Variants in DDX27 observed in about 807,000 individuals in gnomAD.
The protein encoded by DDX27 is probable ATP-dependent RNA helicase DDX27.
DDX27 carries 42 observed loss-of-function variants against 99.3 expected under a neutral mutation model. That is an observed-to-expected ratio of 0.42 (90% CI 0.33 to 0.55). The LOEUF (loss-of-function observed/expected upper bound fraction) is 0.55, where lower values mean the gene tolerates loss of function less well. DDX27 is among the 20% of genes least tolerant of loss of function. DDX27 has a pLI of 0.07. For synonymous variants in DDX27, 329 were observed against 353.8 expected, an observed-to-expected ratio of 0.93 and a Z score of 0.79; for missense variants, 798 against 976.8, an observed-to-expected ratio of 0.82 and a Z score of 2.44.
intron 1 of DDX27, 140 bp downstream of exon 1, chr20:49,219,681 T>TCTTCCTCA: frequency 1.1e-6 from 1 of 875,914 alleles, no homozygotes; most frequent in Non-Finnish European, 1.7e-6. Context: ...GACCCCAAGA[T>TCTTCCTCA]CTTCCTCAGT....
intron 6 of DDX27, among the ~76,000 whole-genome samples, chr20:49,225,425 C>G (rs1200320897): frequency 1.4e-5 from 2 of 147,772 alleles, no homozygotes; most frequent in Admixed American, 6.8e-5. Flanking sequence ...TCCCTCAACT[C>G]TTGTCCATAC....
rs759375460 is a variant in DDX27 at position 49,236,146 on chromosome 20, C to T, written c.1428-4C>T. 2 of 1,608,268 alleles carry T rather than the reference C, an allele frequency of 1.2e-6. No homozygotes were observed. The highest frequency in any genetic ancestry group is 1.7e-6 in the Non-Finnish European group (2 of 1,177,390). ...GATGAACAGCTGTTTGTGACTGTTT[C>T]TAGGCGTTTTAAGGATGAACAGATT... On this transcript the variant is annotated splice_polypyrimidine_tract_variant and splice_region_variant and intron_variant, in intron 12 of 20. Coordinates refer to ENST00000618172, the MANE Select transcript of DDX27 (RefSeq NM_017895.8). This position sits in a 1 kb window ranked among gnomAD's most constrained non-coding sequence, Gnocchi z 4.1.
At position 49,228,857 on chromosome 20, in the gene DDX27, G is replaced by C; in HGVS notation, c.849G>C (p.Gln283His). The C allele has an allele frequency of 6.2e-7, 1 of 1,604,960 alleles. No individual in the cohort carries two copies. Among genetic ancestry groups the C allele is most frequent in the South Asian group, 1.1e-5 (1 of 90,660 alleles). The change falls in exon 8 of 21, where the codon CAG (glutamine) becomes CAC (histidine). Residue 283 changes from glutamine (Q) to histidine (H), a missense_variant. This residue lies in a region of DDX27 where 553 missense variants were observed against 727.9 expected (regional missense o/e 0.76). Coordinates refer to ENST00000618172, the MANE Select transcript of DDX27 (RefSeq NM_017895.8). Reference protein sequence around the residue: ...QVHSVTRQLAQFCNITTCLAV... With the variant: ...QVHSVTRQLAHFCNITTCLAV... ...ACTCTGTCACCAGACAGCTGGCCCA[G>C]TTCTGCAACATCACCACCTGCCTGG...
rs764167303 is a variant in DDX27, at chr20:49,219,460, C to T, written c.12C>T (p.Asp4=). Residue 4 remains aspartate, a synonymous_variant, in exon 1 of 21, where the codon GAC becomes GAT. Coordinates refer to ENST00000618172, the MANE Select transcript of DDX27 (RefSeq NM_017895.8). ...GCTTCTGCGACAACATGCTTGCGGA[C>T]CTCGGCTTAATCGGAACCATAGGCG... MLA[D]LGLIGTIGED... The T allele has an allele frequency of 2.5e-6, 4 of 1,614,110 alleles. No individual in the cohort carries two copies. Among genetic ancestry groups the T allele is most frequent in the Non-Finnish European group, 3.4e-6 (4 of 1,180,002 alleles).
rs370439178 is a variant in DDX27, at chr20:49,236,297, C to G, written c.1510-36C>G. ...TTTTTGCCTCTTCGCACCCCCCTTC[C>G]CTTGCCAGGCCTGACGTTCATTTTT... On this transcript the variant is annotated intron_variant, in intron 13 of 20. Transcript: ENST00000618172. The surrounding 1 kb of genome is among the most constrained non-coding windows in gnomAD (Gnocchi z 4.1). The G allele has an allele frequency of 1.4e-4, 221 of 1,567,824 alleles. No homozygotes were observed. Among genetic ancestry groups the G allele is most frequent in the Non-Finnish European group, 1.8e-4 (209 of 1,153,722 alleles).
At position 49,227,573 on chromosome 20, in the gene DDX27, G is replaced by T. The variant is rs1459308965; in HGVS notation, c.706+1038G>T. ...GTAGAGAGAGGGTTTCACCATGTTG[G>T]CCAGGCTGGTCTCGAATTCCTGACC... is the stretch of plus-strand genomic sequence containing the variant. On this transcript the variant is annotated intron_variant, in intron 7 of 20. Transcript: ENST00000618172. Among the ~76,000 whole-genome samples, 4 of 151,954 alleles carry T rather than the reference G, an allele frequency of 2.6e-5. No homozygotes were observed. In the East Asian group the frequency reaches 5.8e-4, roughly 22 times the overall value.
At position 49,233,568 on chromosome 20, in the gene DDX27, G is replaced by T; in HGVS notation, c.1132G>T (p.Val378Leu). The change falls in exon 11 of 21, where the codon GTG becomes TTG. Residue 378 changes from valine (V) to leucine (L), a missense_variant and splice_region_variant. Val to Leu is a conservative substitution (Grantham distance 32). Transcript: ENST00000618172. ...GGAAACCTGGCTTTGTGCTTGGCAGGTGAAAGATCTGGCTTCTGTCTCCTT... is the reference window on the plus strand; with the variant it reads ...GGAAACCTGGCTTTGTGCTTGGCAGTTGAAAGATCTGGCTTCTGTCTCCTT... ...MLFSATMTDE[V>L]KDLASVSLKN... 6.2e-7 allele frequency: 1 copy of T among 1,611,052 alleles called. No individual in the cohort carries two copies.
intron 12 of DDX27, 82 bp downstream of exon 12, chr20:49,235,170 T>C: frequency 6.8e-7 from 1 of 1,468,482 alleles, no homozygotes; most frequent in Non-Finnish European, 9.1e-7. Flanking sequence ...CCCTGAGCAT[T>C]CTATTAGAAC....
At position 49,236,639 on chromosome 20, in the gene DDX27, C is replaced by T. The variant is rs746806139; in HGVS notation, c.1687+129C>T. The T allele has an allele frequency of 5.4e-5, 50 of 927,174 alleles. No homozygotes were observed. The highest frequency in any genetic ancestry group is 9.4e-5 in the South Asian group (3 of 31,904). 57.4% of individuals were successfully genotyped at this position (927,174 alleles called of 1,614,324 possible). A position where few individuals can be genotyped will look rare whatever the true frequency, so the allele number is the denominator to read the frequency against. On this transcript the variant is annotated intron_variant, in intron 14 of 20. Coordinates refer to ENST00000618172, the MANE Select transcript of DDX27 (RefSeq NM_017895.8). The surrounding 1 kb of genome is among the most constrained non-coding windows in gnomAD (Gnocchi z 4.1). ...AATTCCAGCCCTGCTGCTTCCTTGC[C>T]GAGTGACCATGTGCAGGTTTCACCT... is the stretch of plus-strand genomic sequence containing the variant.
chr20:49,233,287 T>C lies in DDX27; in HGVS notation c.1032-19T>C, dbSNP rs1980186784. 2 of 1,602,538 alleles carry C rather than the reference T, an allele frequency of 1.2e-6. No homozygotes were observed. Among genetic ancestry groups the C allele is most frequent in the Non-Finnish European group, 1.7e-6 (2 of 1,170,100 alleles). On this transcript the variant is annotated intron_variant, in intron 9 of 20. Transcript: ENST00000618172. ...AAGAGCACTCTCTCCATTTCTGCCA[T>C]GTCTTTCTCTGCTCCCAGGATGCTG...
chr20:49,231,240 C>T (rs1424659313), intron 9 of DDX27: 1 of 152,328 alleles, frequency 6.6e-6, no homozygotes, highest in Non-Finnish European at 1.5e-5. Flanking sequence ...TGCCAAGTCC[C>T]CCTCTCTCCC....
chr20:49,220,012 G>T (rs1298155769), intron 1 of DDX27, among the ~76,000 whole-genome samples: 1 of 152,094 alleles, frequency 6.6e-6, no homozygotes, highest in Non-Finnish European at 1.5e-5. Context: ...GTGGTGTGGG[G>T]GCTTGCAGAC....
chr20:49,224,299 C>T (rs1478544089), intron 4 of DDX27, among the ~76,000 whole-genome samples: 1 of 151,800 alleles, frequency 6.6e-6, no homozygotes, highest in Non-Finnish European at 1.5e-5. Flanking sequence ...GATACAAACT[C>T]ATTTGGGGTG....
chr20:49,223,563 CCTTT>C (rs1476028109), intron 4 of DDX27, 130 bp downstream of exon 4: 10 of 755,836 alleles, frequency 1.3e-5, no homozygotes, highest in South Asian at 5.9e-5. Context: ...ACATTGAACT[CCTTT>C]CTTTCTTTTT....
intron 2 of DDX27, among the ~76,000 whole-genome samples, chr20:49,221,931 A>G (rs984213114): frequency 5.3e-5 from 8 of 151,282 alleles, no homozygotes; most frequent in African/African-American, 1.7e-4. Flanking sequence ...TGGTTCCCAC[A>G]CAGCACAGCC....
chr20:49,239,026 GAA>G lies in DDX27; in HGVS notation c.1769_1770del (p.Lys590ArgfsTer51). On this transcript the variant is annotated frameshift_variant, in exon 15 of 21. Coordinates refer to ENST00000618172, the MANE Select transcript of DDX27 (RefSeq NM_017895.8). LOFTEE classifies it high-confidence loss of function. ...VYAVLQLEAE[E>X]KEMQQSEAQI... is the part of the protein sequence containing the mutation. Reference sequence around the variant, plus strand: ...TGCAGTTCTGCAGCTAGAGGCGGAGGAAAAAGAGATGCAGCAGTCAGAAGCCC... The same window carrying G: ...TGCAGTTCTGCAGCTAGAGGCGGAGGAAAGAGATGCAGCAGTCAGAAGCCC... 1 of 1,614,118 alleles carries G rather than the reference GAA, an allele frequency of 6.2e-7. No homozygotes were observed. Among genetic ancestry groups the G allele is most frequent in the Non-Finnish European group, 8.5e-7 (1 of 1,179,988 alleles).
intron 16 of DDX27, among the ~76,000 whole-genome samples, chr20:49,239,855 G>A (rs1405067129): frequency 6.6e-6 from 1 of 152,164 alleles, no homozygotes; most frequent in Non-Finnish European, 1.5e-5. Context: ...AAAATTTGGG[G>A]TGTGTGTTTA....
chr20:49,229,279 C>G (rs1980015906), intron 8 of DDX27, among the ~76,000 whole-genome samples: 1 of 152,106 alleles, frequency 6.6e-6, no homozygotes, highest in Admixed American at 6.6e-5. Flanking sequence ...ATCCGCCTGC[C>G]TTGGCCTCCC....
Position 49,222,606 on chromosome 20 carries a change from C to G in DDX27, c.241-351C>G, listed in dbSNP as rs558762783. On this transcript the variant is annotated intron_variant, in intron 2 of 20. Coordinates refer to ENST00000618172, the MANE Select transcript of DDX27 (RefSeq NM_017895.8). ...CTCGGCTCACTGCCACCTCCGCCTC[C>G]CAGGTTCAAGCAATTCTCTTGCCTC... 1.4e-3 allele frequency among the ~76,000 whole-genome samples: 218 copies of G among 152,150 alleles called. 1 individual carries two copies. The highest frequency in any genetic ancestry group is 6.8e-3 in the Middle Eastern group (2 of 294).
Sources: allele counts gnomAD v4.1 joint callset (sites outside exome capture counted in the v4.1 genomes callset), GRCh38; gene constraint gnomAD v4.1.1; regional missense constraint gnomAD v4.1.1; non-coding constraint Gnocchi (gnomAD v3.1); transcripts MANE v1.5; gene names NCBI Gene and HGNC (gene_info 2026-07-23, HGNC 2026-07-21).